Variants in ABTB2 observed in about 807,000 individuals in gnomAD.
ABTB2 encodes ankyrin repeat and BTB/POZ domain-containing protein 2.
ABTB2 carries 56 observed loss-of-function variants against 104.1 expected under a neutral mutation model. The observed-to-expected ratio is 0.54, with a 90% confidence interval of 0.43 to 0.67. The LOEUF (loss-of-function observed/expected upper bound fraction) is 0.67. Ranked by LOEUF, ABTB2 falls within the 30% of genes least tolerant of loss-of-function variation. The probability of loss-of-function intolerance (pLI) is 0.00; values close to 1 mark genes in which losing one functional copy is unlikely to be tolerated. For missense variants in ABTB2, 1,279 were observed against 1,407.7 expected (o/e 0.91, Z 1.46); for synonymous variants, 606 against 608.2 (o/e 1.00, Z 0.05).
chr11:34,173,402 A>G, intron 3 of ABTB2, 95 bp from the exon 4 acceptor site: 4 of 1,420,206 alleles, frequency 2.8e-6, no homozygotes, highest in Non-Finnish European at 3.8e-6. Flanking sequence ...CTTGTGGGGC[A>G]GCAGAGAGAG....
intron 2 of ABTB2, 36 bp from the exon 3 acceptor site, chr11:34,197,574 G>GA (rs745898139): frequency 1.7e-5 from 24 of 1,394,940 alleles, no homozygotes; most frequent in Middle Eastern, 2.4e-4. Flanking sequence ...GGGAGGAAGA[G>GA]AAAAAAAGAA....
intron 1 of ABTB2, among the ~76,000 whole-genome samples, chr11:34,239,794 A>G (rs1205677901): frequency 1.3e-5 from 2 of 152,162 alleles, no homozygotes; most frequent in African/African-American, 4.8e-5. Context: ...TGGGGGGCCA[A>G]CTGCAGCTGT....
chr11:34,340,041 C>T (rs2133122527), intron 1 of ABTB2, among the ~76,000 whole-genome samples: 1 of 84,482 alleles, frequency 1.2e-5, no homozygotes, highest in Non-Finnish European at 2.1e-5. Flanking sequence ...CCCCACCATC[C>T]TCCAAACAAA....
chr11:34,306,391 C>T (rs550164069), intron 1 of ABTB2, among the ~76,000 whole-genome samples: 3 of 151,654 alleles, frequency 2.0e-5, no homozygotes, highest in Non-Finnish European at 4.4e-5. Flanking sequence ...GGATTACAGG[C>T]GTGCACCACC....
At chr11:34,192,396 G>T (rs1419025880) in intron 3 of ABTB2, among the ~76,000 whole-genome samples, 2 of 152,204 alleles carry the variant, frequency 1.3e-5, no homozygotes, top group African/African-American at 4.8e-5. Context: ...ATAAAAAGTG[G>T]CAAGGTAGAT....
intron 1 of ABTB2, among the ~76,000 whole-genome samples, chr11:34,331,775 C>G (rs890855938): frequency 6.6e-6 from 1 of 152,130 alleles, no homozygotes; most frequent in East Asian, 1.9e-4. Context: ...TTACATTGCA[C>G]GGGGTAGAAG....
At chr11:34,277,766 TC>T (rs1314273226) in intron 1 of ABTB2, among the ~76,000 whole-genome samples, 1 of 149,034 alleles carries the variant, frequency 6.7e-6, no homozygotes, top group Non-Finnish European at 1.5e-5. Flanking sequence ...AGACTCTGTC[TC>T]AAAAACAAAA....
intron 3 of ABTB2, among the ~76,000 whole-genome samples, chr11:34,182,473 C>G (rs1236632098): frequency 8.4e-6 from 1 of 118,610 alleles, no homozygotes; most frequent in Non-Finnish European, 1.7e-5. Flanking sequence ...GTGACTTCTG[C>G]TTGAGGTGGG....
intron 4 of ABTB2, among the ~76,000 whole-genome samples, chr11:34,172,862 T>G (rs1272480054): frequency 6.6e-6 from 1 of 152,196 alleles, no homozygotes; most frequent in Non-Finnish European, 1.5e-5. Flanking sequence ...AGTCCCCAAG[T>G]ATCCCAAAGA....
chr11:34,180,285 C>T (rs1853010989), intron 3 of ABTB2, among the ~76,000 whole-genome samples: 1 of 152,246 alleles, frequency 6.6e-6, no homozygotes, highest in African/African-American at 2.4e-5. Context: ...TCTGGCAGTG[C>T]AGCCTCTTGG....
chr11:34,181,914 C>T (rs1853032225), intron 3 of ABTB2, among the ~76,000 whole-genome samples: 1 of 152,222 alleles, frequency 6.6e-6, no homozygotes, highest in African/African-American at 2.4e-5. Flanking sequence ...GAGTCAGAGC[C>T]AAGCACTGGG....
intron 1 of ABTB2, among the ~76,000 whole-genome samples, chr11:34,283,028 C>T (rs1365000635): frequency 2.2e-4 from 33 of 151,466 alleles, no homozygotes; most frequent in Admixed American, 1.7e-3. Context: ...CCAGCCTCAG[C>T]CTCCTAAGTA....
chr11:34,210,450 A>G (rs1853467874), intron 1 of ABTB2, among the ~76,000 whole-genome samples: 1 of 152,158 alleles, frequency 6.6e-6, no homozygotes, highest in Non-Finnish European at 1.5e-5. Flanking sequence ...ATATACACAC[A>G]CACAACTTTA....
chr11:34,267,402 T>C (rs1027000728), intron 1 of ABTB2, among the ~76,000 whole-genome samples: 3 of 152,034 alleles, frequency 2.0e-5, no homozygotes, highest in Non-Finnish European at 4.4e-5. Context: ...CTCTTCCCCA[T>C]CCTGACGGCA....
intron 1 of ABTB2, among the ~76,000 whole-genome samples, chr11:34,279,970 A>C (rs10836179): frequency 0.28 from 42,724 of 151,526 alleles, 6,990 homozygotes; most frequent in African/African-American, 0.43. Flanking sequence ...AGGGTTTCAC[A>C]ATGTTGGTCA....
intron 1 of ABTB2, among the ~76,000 whole-genome samples, chr11:34,288,370 A>G (rs2133091189): frequency 6.6e-6 from 1 of 152,308 alleles, no homozygotes; most frequent in African/African-American, 2.4e-5. Context: ...CAATCACCTA[A>G]AAACACCCCA....
intron 1 of ABTB2, among the ~76,000 whole-genome samples, chr11:34,255,222 C>G (rs1408618474): frequency 1.3e-5 from 2 of 152,182 alleles, no homozygotes; most frequent in African/African-American, 4.8e-5. Flanking sequence ...ATTGTGTGAT[C>G]TTCTCCTAAA....
At chr11:34,334,875 C>T (rs1291764992) in intron 1 of ABTB2, among the ~76,000 whole-genome samples, 2 of 151,612 alleles carry the variant, frequency 1.3e-5, no homozygotes, top group Non-Finnish European at 2.9e-5. Flanking sequence ...ACAGATAATA[C>T]CCTAGTTACA....
rs79727531 is a variant in ABTB2, at chr11:34,168,309, G to A, written c.1564-317C>T. Among the ~76,000 whole-genome samples, 4 of 152,316 alleles carry A rather than the reference G, an allele frequency of 2.6e-5. No homozygotes were observed. The East Asian group carries it at 7.7e-4, about 29-fold the overall frequency. ...TGTCATTTGCCCTCTCTGTGCCTCA[G>A]TTTTTTCATCTGTAAATGGGGAACC... is the stretch of plus-strand genomic sequence containing the variant. On this transcript the variant is annotated intron_variant, in intron 5 of 16. Coordinates refer to ENST00000435224, the MANE Select transcript of ABTB2 (RefSeq NM_145804.3).
Sources: allele counts gnomAD v4.1 joint callset (sites outside exome capture counted in the v4.1 genomes callset), GRCh38; gene constraint gnomAD v4.1.1; transcripts MANE v1.5; gene names NCBI Gene and HGNC (gene_info 2026-07-23, HGNC 2026-07-21).